Variants in PCDHA4 observed in about 807,000 individuals in gnomAD.
PCDHA4 encodes protocadherin alpha 4, also known as protocadherin alpha-4.
A neutral mutation model predicts 61.4 loss-of-function variants in PCDHA4; 49 were observed. That is an observed-to-expected ratio of 0.80 (90% CI 0.63 to 1.01). PCDHA4 has a LOEUF of 1.01. Ranked by LOEUF, PCDHA4 falls within the 50% of genes least tolerant of loss-of-function variation. The probability of loss-of-function intolerance (pLI) is 0.00; values close to 1 mark genes in which losing one functional copy is unlikely to be tolerated. For synonymous variants in PCDHA4, 590 were observed against 550.3 expected (o/e 1.07, Z -1.01); for missense variants, 1,254 against 1,235.8 (o/e 1.01, Z -0.22).
rs1554125084 is a variant in PCDHA4 at position 140,809,211 on chromosome 5, C to A, written c.2024C>A (p.Ala675Glu). 1.9e-6 allele frequency: 3 copies of A among 1,614,048 alleles called. No individual in the cohort carries two copies. The highest frequency in any genetic ancestry group is 1.7e-5 in the Admixed American group (1 of 60,030). Reference protein sequence around the residue: ...VLVSLVESGQAPKASSRALVG... With the variant: ...VLVSLVESGQEPKASSRALVG... ...GTGTCACTTGTGGAGAGTGGACAGG[C>A]GCCAAAGGCCTCCTCACGGGCGTTG... The change falls in exon 1 of 4, where the codon GCG (alanine) becomes GAG (glutamate). Residue 675 changes from alanine to glutamate, a missense_variant. Transcript: ENST00000530339.
At chr5:140,927,701 A>G (rs2084527211) in intron 1 of PCDHA4, 1 of 1,614,052 alleles carries the variant, frequency 6.2e-7, no homozygotes, top group South Asian at 1.1e-5. Context: ...GAAGTCCAGT[A>G]CTCCCTAAGC....
intron 1 of PCDHA4, chr5:140,821,658 G>A: frequency 8.6e-7 from 1 of 1,163,106 alleles, no homozygotes; most frequent in Non-Finnish European, 1.2e-6. Context: ...ATTTTTGGCT[G>A]TGCCAAGAAG....
chr5:140,863,382 C>A, intron 1 of PCDHA4: 1 of 1,056,944 alleles, frequency 9.5e-7, no homozygotes. Context: ...TCACCGAGAG[C>A]TCGTGCATGC....
intron 1 of PCDHA4, chr5:140,828,396 G>T (rs1769734688): frequency 1.2e-6 from 2 of 1,614,160 alleles, no homozygotes; most frequent in South Asian, 1.1e-5. Context: ...AGCGCGGAGT[G>T]CAGCATCCAC....
At chr5:140,870,838 C>T (rs1554164743) in intron 1 of PCDHA4, 4 of 1,613,700 alleles carry the variant, frequency 2.5e-6, no homozygotes, top group Admixed American at 3.3e-5. Context: ...AGTTAACAAG[C>T]TAGTACCGCG....
intron 1 of PCDHA4, chr5:140,969,097 C>G (rs2096295003): frequency 6.2e-7 from 1 of 1,614,072 alleles, no homozygotes; most frequent in African/African-American, 1.3e-5. Flanking sequence ...TGCAGCCTCA[C>G]TTCATTGAAG....
Position 140,873,293 on chromosome 5 carries a change from A to G in PCDHA4, c.2385+63721A>G, listed in dbSNP as rs189607123. Reference sequence around the variant, plus strand: ...ACCATCATACCACTTATGAAACTTTATAAATATAATAAAGGTGAATATTAG... The same window carrying G: ...ACCATCATACCACTTATGAAACTTTGTAAATATAATAAAGGTGAATATTAG... On this transcript the variant is annotated intron_variant, in intron 1 of 3. Transcript: ENST00000530339. Among the ~76,000 whole-genome samples, 54 of 152,366 alleles carry G rather than the reference A, an allele frequency of 3.5e-4. No homozygotes were observed. In the East Asian group the frequency reaches 0.01, roughly 29 times the overall value.
intron 1 of PCDHA4, chr5:140,928,426 TC>T (rs781827449): frequency 1.9e-6 from 3 of 1,614,134 alleles, no homozygotes; most frequent in South Asian, 2.2e-5. Context: ...TGCCAAAACT[TC>T]CTTTGACTTT....
intron 3 of PCDHA4, among the ~76,000 whole-genome samples, chr5:140,983,425 C>T (rs1252010683): frequency 2.0e-5 from 3 of 152,198 alleles, no homozygotes; most frequent in Non-Finnish European, 4.4e-5. Context: ...GTAGAGACCA[C>T]AAATTGTGTC....
At chr5:141,001,726 T>G (rs2098034769) in intron 3 of PCDHA4, among the ~76,000 whole-genome samples, 1 of 152,116 alleles carries the variant, frequency 6.6e-6, no homozygotes, top group Admixed American at 6.6e-5. Flanking sequence ...GCTTGAGATA[T>G]TTTACAACCT....
intron 1 of PCDHA4, among the ~76,000 whole-genome samples, chr5:140,943,274 A>G (rs1179008027): frequency 6.4e-5 from 9 of 141,284 alleles, no homozygotes; most frequent in Non-Finnish European, 1.0e-4. Flanking sequence ...AAAAAAAAAA[A>G]AAAGAAAGAA....
chr5:140,835,878 G>T lies in PCDHA4; in HGVS notation c.2385+26306G>T, dbSNP rs138465402. On this transcript the variant is annotated intron_variant, in intron 1 of 3. Coordinates refer to ENST00000530339, the MANE Select transcript of PCDHA4 (RefSeq NM_018907.4). ...GTCCTACTCGCTGGTGGAGCTGCGG[G>T]TGGGCGAGCGCGCGCTGTCGAGCTA... The T allele has an allele frequency of 1.4e-4, 227 of 1,611,876 alleles. 3 individuals carry two copies. The highest frequency in any genetic ancestry group is 3.7e-4 in the Admixed American group (22 of 59,972).
intron 3 of PCDHA4, among the ~76,000 whole-genome samples, chr5:141,005,068 A>C (rs1314916800): frequency 6.6e-6 from 1 of 152,256 alleles, no homozygotes. Flanking sequence ...GCATTGTGCT[A>C]AGGATCAAGC....
At chr5:140,977,703 A>G (rs1407162368) in intron 1 of PCDHA4, among the ~76,000 whole-genome samples, 1 of 152,192 alleles carries the variant, frequency 6.6e-6, no homozygotes, top group Non-Finnish European at 1.5e-5. Context: ...ATCTGTCTGA[A>G]TATTGAGATG....
chr5:141,012,183 A>G lies in PCDHA4; in HGVS notation c.*2246A>G, dbSNP rs1554263839. The stretch of plus-strand genomic sequence containing the variant: ...TAATTTATTAATGATGATAATTATA[A>G]TGTATCTGTACAGCACTTTTTACAT... On this transcript the variant is annotated 3_prime_UTR_variant, in exon 4 of 4. Coordinates refer to ENST00000530339, the MANE Select transcript of PCDHA4 (RefSeq NM_018907.4). The G allele has an allele frequency of 6.5e-6, 1 of 153,782 alleles. No homozygotes were observed. Among genetic ancestry groups the G allele is most frequent in the Admixed American group, 6.5e-5 (1 of 15,280 alleles). 9.5% of individuals were successfully genotyped at this position (153,782 alleles called of 1,614,324 possible). A position where few individuals can be genotyped will look rare whatever the true frequency, so the allele number is the denominator to read the frequency against.
chr5:140,843,739 T>C (rs1554140396), intron 1 of PCDHA4: 2 of 1,538,164 alleles, frequency 1.3e-6, no homozygotes, highest in African/African-American at 2.7e-5. Context: ...AATTTAGAAC[T>C]CATAAATTCT....
intron 1 of PCDHA4, chr5:140,870,291 G>A (rs372143455): frequency 3.2e-5 from 52 of 1,614,052 alleles, no homozygotes; most frequent in Non-Finnish European, 3.6e-5. Context: ...CCTTCAAGCT[G>A]GTGTCCACCT....
chr5:140,950,720 T>C (rs2094512536), intron 1 of PCDHA4, among the ~76,000 whole-genome samples: 1 of 152,106 alleles, frequency 6.6e-6, no homozygotes, highest in South Asian at 2.1e-4. Flanking sequence ...CTTATATCCT[T>C]AAATTTTTTA....
Position 140,809,348 on chromosome 5 carries a change from C to T in PCDHA4, c.2161C>T (p.Leu721=). ...LVLTLLLYTA[L]RCSALPTEGA... ...GCTCACGCTGCTGCTGTACACCGCG[C>T]TGCGGTGCTCTGCGCTGCCCACCGA... Residue 721 remains leucine (L), a synonymous_variant, in exon 1 of 4, where the codon CTG becomes TTG. Transcript: ENST00000530339. 1 of 1,614,028 alleles carries T rather than the reference C, an allele frequency of 6.2e-7. No homozygotes were observed. The highest frequency in any genetic ancestry group is 8.5e-7 in the Non-Finnish European group (1 of 1,179,926).
Sources: gnomAD v4.1 joint callset for allele counts (sites outside exome capture counted in the v4.1 genomes callset) on GRCh38, gnomAD v4.1.1 for gene constraint, MANE v1.5 for transcripts, NCBI Gene and HGNC (gene_info 2026-07-23, HGNC 2026-07-21) for gene names.